The following SSBP3 variants were observed in gnomAD, a reference collection of about 807,000 sequenced individuals.
SSBP3 encodes the protein single-stranded DNA-binding protein 3.
A neutral mutation model predicts 69.6 loss-of-function variants in SSBP3; 5 were observed. That is an observed-to-expected ratio of 0.07 (90% confidence interval 0.04 to 0.15). The LOEUF (loss-of-function observed/expected upper bound fraction) is 0.15. SSBP3 is among the 10% of genes least tolerant of loss of function. SSBP3 has a pLI of 1.00. For synonymous variants in SSBP3, 196 were observed against 193.4 expected (o/e 1.01, Z -0.11); for missense variants, 312 against 534.0 (o/e 0.58, Z 4.10).
exon 18 of SSBP3, chr1:54,225,722 G>A (rs553300434): frequency 5.9e-6 from 1 of 169,316 alleles, no homozygotes; most frequent in African/African-American, 2.4e-5. Flanking sequence ...AAAGAATTCG[G>A]GTGTCTTCCA....
intron 5 of SSBP3, among the ~76,000 whole-genome samples, chr1:54,271,387 G>A (rs1179618630): frequency 6.6e-6 from 1 of 152,172 alleles, no homozygotes; most frequent in Non-Finnish European, 1.5e-5. Flanking sequence ...GGATTTGCAG[G>A]TATGAGCCAC....
chr1:54,409,134 C>G (rs1012544245), upstream of SSBP3, among the ~76,000 whole-genome samples: 9 of 152,306 alleles, frequency 5.9e-5, no homozygotes, highest in Middle Eastern at 3.4e-3. Context: ...TACCTTTCCC[C>G]TCTGGATCCC....
intron 5 of SSBP3, among the ~76,000 whole-genome samples, chr1:54,276,777 C>A (rs1236420224): frequency 6.6e-6 from 1 of 152,158 alleles, no homozygotes; most frequent in Admixed American, 6.5e-5. Context: ...TGGCTTCCCA[C>A]TGCCCACTGG....
intron 4 of SSBP3, among the ~76,000 whole-genome samples, chr1:54,345,866 G>T (rs936323697): frequency 2.6e-5 from 4 of 151,974 alleles, no homozygotes; most frequent in African/African-American, 9.6e-5. Context: ...ATTAGGCTGG[G>T]CACGGTGGCT....
chr1:54,241,526 A>G lies in SSBP3; in HGVS notation c.766-17T>C. 6.2e-7 allele frequency: 1 copy of G among 1,613,674 alleles called. No homozygotes were observed. On this transcript the variant is annotated splice_polypyrimidine_tract_variant and intron_variant, in intron 11 of 17. Transcript: ENST00000610401. The stretch of plus-strand genomic sequence containing the variant: ...GTATGGAATCTAAAAACAAGATGTC[A>G]GGGAGCCCCACGTCAGAGTCACTGA...
chr1:54,293,498 T>G (rs1645645337), intron 4 of SSBP3, among the ~76,000 whole-genome samples: 1 of 152,146 alleles, frequency 6.6e-6, no homozygotes, highest in Non-Finnish European at 1.5e-5. Flanking sequence ...TTTATTGGGG[T>G]CCCATTCAGA....
chr1:54,404,165 C>G (rs1557597728), intron 3 of SSBP3, among the ~76,000 whole-genome samples: 1 of 151,980 alleles, frequency 6.6e-6, no homozygotes, highest in Non-Finnish European at 1.5e-5. Context: ...GTTGTGAGCT[C>G]CCGAGGAGAA....
intron 14 of SSBP3, among the ~76,000 whole-genome samples, chr1:54,232,600 C>T (rs906679964): frequency 8.5e-5 from 13 of 152,248 alleles, no homozygotes; most frequent in African/African-American, 2.9e-4. Flanking sequence ...TCTCCCTCTC[C>T]CCACGGTCTC....
At chr1:54,281,897 G>A (rs572043962) in intron 4 of SSBP3, among the ~76,000 whole-genome samples, 84 of 152,188 alleles carry the variant, frequency 5.5e-4, no homozygotes, top group African/African-American at 2.0e-3. Context: ...AGGAGTTCGA[G>A]ACCGGCGCGG....
At chr1:54,233,940 G>A (rs922342922) in intron 14 of SSBP3, among the ~76,000 whole-genome samples, 9 of 152,318 alleles carry the variant, frequency 5.9e-5, no homozygotes, top group East Asian at 1.9e-4. Context: ...TTGAGAAATC[G>A]GATGGTTGCC....
chr1:54,228,117 A>T, intron 17 of SSBP3, 138 bp downstream of exon 17: 2 of 831,696 alleles, frequency 2.4e-6, no homozygotes, highest in Non-Finnish European at 4.0e-6. Flanking sequence ...CTGCTAAAAA[A>T]ATAACTGAGG....
intron 4 of SSBP3, among the ~76,000 whole-genome samples, chr1:54,283,735 T>C (rs1235257995): frequency 6.6e-6 from 1 of 152,230 alleles, no homozygotes; most frequent in African/African-American, 2.4e-5. Context: ...CATCCTGTAA[T>C]GTGTACAAGT....
intron 4 of SSBP3, among the ~76,000 whole-genome samples, chr1:54,398,054 G>A (rs1215546411): frequency 6.6e-6 from 1 of 152,150 alleles, no homozygotes; most frequent in Non-Finnish European, 1.5e-5. Flanking sequence ...GTTTTGCAGG[G>A]ATTCTTTATC....
intron 4 of SSBP3, among the ~76,000 whole-genome samples, chr1:54,290,140 T>A (rs77437977): frequency 7.9e-5 from 12 of 152,276 alleles, no homozygotes; most frequent in African/African-American, 2.9e-4. Context: ...CTGATACAAA[T>A]TTCAGAATCG....
At chr1:54,313,435 CTTT>C (rs752753963) in intron 4 of SSBP3, among the ~76,000 whole-genome samples, 150 of 86,416 alleles carry the variant, frequency 1.7e-3, no homozygotes, top group African/African-American at 5.5e-3. Flanking sequence ...TGTGCCTGTG[CTTT>C]TTTTTTTTTT....
chr1:54,313,040 T>C (rs545266230), intron 4 of SSBP3, among the ~76,000 whole-genome samples: 46 of 148,666 alleles, frequency 3.1e-4, no homozygotes, highest in Middle Eastern at 6.8e-3. Context: ...TTTTTTTTTT[T>C]CCATTGAGCA....
intron 4 of SSBP3, among the ~76,000 whole-genome samples, chr1:54,282,962 T>C (rs974168037): frequency 1.3e-5 from 2 of 152,170 alleles, no homozygotes; most frequent in East Asian, 1.9e-4. Flanking sequence ...TTTCCTTTCA[T>C]TGGCAGTAAA....
intron 4 of SSBP3, among the ~76,000 whole-genome samples, chr1:54,283,549 T>C (rs1645434493): frequency 6.6e-6 from 1 of 152,210 alleles, no homozygotes. Flanking sequence ...AGTGACAGAA[T>C]GGGCTGTGTT....
chr1:54,361,472 C>T (rs970980448), intron 4 of SSBP3, among the ~76,000 whole-genome samples: 1 of 152,104 alleles, frequency 6.6e-6, no homozygotes, highest in African/African-American at 2.4e-5. Flanking sequence ...TGCAGATGAA[C>T]CCCACACGCA....
Sources: gnomAD v4.1 joint callset for allele counts (sites outside exome capture counted in the v4.1 genomes callset) on GRCh38, gnomAD v4.1.1 for gene constraint, MANE v1.5 for transcripts, NCBI Gene and HGNC (gene_info 2026-07-23, HGNC 2026-07-21) for gene names.